Variants in GALM observed in about 807,000 individuals in gnomAD.
The protein encoded by GALM is aldose 1-epimerase.
A neutral mutation model predicts 37.4 loss-of-function variants in GALM; 43 were observed. That is an observed-to-expected ratio of 1.15 (90% CI 0.90 to 1.48). The LOEUF (loss-of-function observed/expected upper bound fraction) is 1.48, where lower values mean the gene tolerates loss of function less well. Among genes scored for constraint, GALM ranks in the 40% most tolerant of loss-of-function variants. The pLI is 0.00. For synonymous variants in GALM, 199 were observed against 170.6 expected (o/e 1.17, Z -1.30); for missense variants, 456 against 419.1 (o/e 1.09, Z -0.77).
At chr2:38,714,146 C>T (rs1666223092) in intron 4 of GALM, among the ~76,000 whole-genome samples, 1 of 151,924 alleles carries the variant, frequency 6.6e-6, no homozygotes, top group Non-Finnish European at 1.5e-5. Flanking sequence ...TAATATGTAC[C>T]AGACATGTCT....
intron 4 of GALM, among the ~76,000 whole-genome samples, chr2:38,720,759 G>A (rs1343583973): frequency 1.3e-5 from 2 of 152,214 alleles, no homozygotes; most frequent in Non-Finnish European, 2.9e-5. Context: ...TTGGCTGGAG[G>A]CCTTGCTGGG....
intron 1 of GALM, among the ~76,000 whole-genome samples, chr2:38,671,112 C>T (rs1388730475): frequency 4.6e-5 from 7 of 152,142 alleles, no homozygotes; most frequent in African/African-American, 1.7e-4. Context: ...ACTCTAAGCT[C>T]AGCAATTGAC....
chr2:38,706,623 T>G lies in GALM; in HGVS notation c.634+16729T>G, dbSNP rs113021386. ...TGAGCCAGGGAGGTGGAGTTTGCAG[T>G]GAATTGTGATCCAGCCTGGGTGACA... On this transcript the variant is annotated intron_variant, in intron 4 of 6. Transcript: ENST00000272252. 8.5e-3 allele frequency among the ~76,000 whole-genome samples: 1,284 copies of G among 150,448 alleles called. 20 individuals are homozygous for G. Among genetic ancestry groups the G allele is most frequent in the African/African-American group, 0.03 (1,227 of 40,890 alleles).
intron 4 of GALM, among the ~76,000 whole-genome samples, chr2:38,701,173 G>C (rs1665908755): frequency 5.9e-5 from 9 of 152,198 alleles, no homozygotes; most frequent in Admixed American, 5.9e-4. Context: ...TATTTTGCCA[G>C]GGATTAATTC....
chr2:38,694,131 GTGATTGTGCCAC>G (rs1366246897), intron 4 of GALM, among the ~76,000 whole-genome samples: 1 of 152,136 alleles, frequency 6.6e-6, no homozygotes, highest in Non-Finnish European at 1.5e-5. Context: ...GCAGTGAGCT[GTGATTGTGCCAC>G]TGCACTTCAA....
intron 4 of GALM, among the ~76,000 whole-genome samples, chr2:38,691,909 A>T (rs1665682889): frequency 6.6e-6 from 1 of 152,190 alleles, no homozygotes; most frequent in African/African-American, 2.4e-5. Flanking sequence ...TACTATAAAA[A>T]AAATAAATAG....
intron 4 of GALM, among the ~76,000 whole-genome samples, chr2:38,705,058 G>A (rs574877119): frequency 1.3e-5 from 2 of 152,192 alleles, no homozygotes; most frequent in Non-Finnish European, 2.9e-5. Context: ...TTGGCCAGGC[G>A]ATGTGTAATT....
chr2:38,732,984 T>C (rs1666635844), intron 6 of GALM, among the ~76,000 whole-genome samples: 1 of 147,470 alleles, frequency 6.8e-6, no homozygotes, highest in Non-Finnish European at 1.5e-5. Context: ...ACTTTGAGAG[T>C]CTGAGGCAGG....
intron 2 of GALM, 136 bp from the exon 3 acceptor site, chr2:38,681,144 T>A: frequency 2.8e-6 from 2 of 723,496 alleles, no homozygotes; most frequent in Non-Finnish European, 4.8e-6. Flanking sequence ...AAAAAAAAAA[T>A]CCAGGCTATC....
At chr2:38,690,234 G>A (rs1665640810) in intron 4 of GALM, among the ~76,000 whole-genome samples, 2 of 152,044 alleles carry the variant, frequency 1.3e-5, no homozygotes, top group African/African-American at 2.4e-5. Context: ...CACTTTGAGA[G>A]GCCAAGGCGG....
chr2:38,728,997 T>C, intron 4 of GALM, among the ~76,000 whole-genome samples: 1 of 152,340 alleles, frequency 6.6e-6, no homozygotes, highest in East Asian at 1.9e-4. Flanking sequence ...TATGTTACTA[T>C]ATATTTATGA....
At chr2:38,673,208 G>A (rs1030172771) in intron 1 of GALM, among the ~76,000 whole-genome samples, 1 of 152,136 alleles carries the variant, frequency 6.6e-6, no homozygotes, top group African/African-American at 2.4e-5. Flanking sequence ...TCTGTATCCT[G>A]AGAGCCTCTC....
At chr2:38,666,528 A>T (rs1362005883) in intron 1 of GALM, among the ~76,000 whole-genome samples, 177 bp downstream of exon 1, 1 of 152,222 alleles carries the variant, frequency 6.6e-6, no homozygotes, top group South Asian at 2.1e-4. Flanking sequence ...AGCATTTGGG[A>T]AAAACTGTAA....
At chr2:38,717,311 G>GTGTC (rs958157266) in intron 4 of GALM, among the ~76,000 whole-genome samples, 7 of 72,326 alleles carry the variant, frequency 9.7e-5, no homozygotes, top group African/African-American at 4.0e-4. Context: ...AAGGGAGTGT[G>GTGTC]TGTGTGTGTG....
chr2:38,680,546 C>G (rs1477352898), intron 2 of GALM, among the ~76,000 whole-genome samples: 1 of 152,014 alleles, frequency 6.6e-6, no homozygotes, highest in Non-Finnish European at 1.5e-5. Context: ...GCACAAATGC[C>G]TTATTTGTTT....
intron 4 of GALM, among the ~76,000 whole-genome samples, chr2:38,721,273 T>C (rs1393339846): frequency 6.6e-6 from 1 of 152,078 alleles, no homozygotes; most frequent in Non-Finnish European, 1.5e-5. Context: ...AAGAGGAAGG[T>C]TTAATATTTT....
chr2:38,728,931 C>T (rs1260142526), intron 4 of GALM, among the ~76,000 whole-genome samples: 1 of 152,158 alleles, frequency 6.6e-6, no homozygotes, highest in African/African-American at 2.4e-5. Flanking sequence ...GGTTTTCCAC[C>T]TGCGCTGCTC....
chr2:38,682,891 C>T (rs1477271809), intron 3 of GALM, among the ~76,000 whole-genome samples: 10 of 146,482 alleles, frequency 6.8e-5, no homozygotes, highest in South Asian at 2.3e-4. Context: ...AGTGAAACTC[C>T]GTCTTTAAAA....
chr2:38,696,213 G>A (rs575392739), intron 4 of GALM, among the ~76,000 whole-genome samples: 5 of 151,790 alleles, frequency 3.3e-5, no homozygotes, highest in Admixed American at 2.0e-4. Context: ...TCCACCTCCC[G>A]GGTTCAAGCG....
Sources: allele counts gnomAD v4.1 joint callset (sites outside exome capture counted in the v4.1 genomes callset), GRCh38; gene constraint gnomAD v4.1.1; transcripts MANE v1.5; gene names NCBI Gene and HGNC (gene_info 2026-07-23, HGNC 2026-07-21).